Variants in STK32B observed in about 807,000 individuals in gnomAD.
STK32B encodes the protein serine/threonine-protein kinase 32B.
In STK32B, 43 loss-of-function variants were observed where a neutral mutation model predicts 52.6. The ratio of observed to expected loss-of-function variants is 0.82; its 90% CI spans 0.64 to 1.05. STK32B has a LOEUF of 1.05. Among genes scored for constraint, STK32B ranks in the 50% least tolerant of loss-of-function variants. The pLI, the probability that STK32B is intolerant of heterozygous loss-of-function variation, is 0.00. For missense variants in STK32B, 621 were observed against 534.6 expected, an observed-to-expected ratio of 1.16 and a Z score of -1.59; for synonymous variants, 238 against 204.3, an observed-to-expected ratio of 1.17 and a Z score of -1.41.
chr4:5,322,380 A>G (rs865951355), intron 3 of STK32B, among the ~76,000 whole-genome samples: 8 of 152,046 alleles, frequency 5.3e-5, no homozygotes, highest in African/African-American at 1.9e-4. Context: ...GAGCATAGTG[A>G]GTGAGACCTC....
chr4:5,188,592 C>T (rs1238345790), intron 3 of STK32B, among the ~76,000 whole-genome samples: 4 of 152,166 alleles, frequency 2.6e-5, no homozygotes, highest in African/African-American at 9.7e-5. Context: ...AGGTCTTTCT[C>T]GGACCTCTTA....
chr4:5,303,991 T>C (rs1729746872), intron 3 of STK32B, among the ~76,000 whole-genome samples: 1 of 152,124 alleles, frequency 6.6e-6, no homozygotes, highest in Non-Finnish European at 1.5e-5. Flanking sequence ...TGGCTATAAG[T>C]ATTTAGCTTT....
chr4:5,249,617 A>G (rs576276293), intron 3 of STK32B, among the ~76,000 whole-genome samples: 1 of 152,108 alleles, frequency 6.6e-6, no homozygotes, highest in African/African-American at 2.4e-5. Context: ...ATAGTGAAAC[A>G]TAGGTTTAAC....
chr4:5,421,839 T>A (rs7670917), intron 6 of STK32B, among the ~76,000 whole-genome samples: 4,092 of 152,314 alleles, frequency 0.027, 162 homozygotes, highest in African/African-American at 0.093. Flanking sequence ...ACATCTCTTA[T>A]TTTATGTGTG....
At chr4:5,020,882 G>A in the STK32B span, among the ~76,000 whole-genome samples, 1 of 152,174 alleles carries the variant, frequency 6.6e-6, no homozygotes, top group Non-Finnish European at 1.5e-5. Flanking sequence ...AGGAAACTGA[G>A]GGCCTCGGGG....
intron 3 of STK32B, among the ~76,000 whole-genome samples, chr4:5,313,850 A>G (rs1441267104): frequency 6.6e-6 from 1 of 152,214 alleles, no homozygotes; most frequent in African/African-American, 2.4e-5. Context: ...CATTCCATAG[A>G]TAATAAACCT....
chr4:5,438,061 G>A, intron 6 of STK32B: 2 of 985,590 alleles, frequency 2.0e-6, no homozygotes, highest in African/African-American at 1.7e-5. Context: ...ATGGACTTGG[G>A]GCTGCCAGGC....
chr4:5,245,860 G>C (rs1725410968), intron 3 of STK32B, among the ~76,000 whole-genome samples: 1 of 152,168 alleles, frequency 6.6e-6, no homozygotes, highest in Admixed American at 6.5e-5. Context: ...ATGAAATTCT[G>C]GGTTGAAAAT....
At chr4:5,476,013 G>C (rs903999638) in intron 11 of STK32B, among the ~76,000 whole-genome samples, 14 of 151,972 alleles carry the variant, frequency 9.2e-5, no homozygotes, top group African/African-American at 3.4e-4. Context: ...TCCTGCCTCA[G>C]CCTCCCAAGT....
chr4:5,367,452 G>A (rs1351343258), intron 4 of STK32B, among the ~76,000 whole-genome samples: 1 of 152,176 alleles, frequency 6.6e-6, no homozygotes, highest in African/African-American at 2.4e-5. Context: ...ACTGCAGCTT[G>A]CTCCTTATTG....
intron 4 of STK32B, among the ~76,000 whole-genome samples, chr4:5,365,996 G>A (rs777812323): frequency 1.9e-4 from 29 of 151,802 alleles, no homozygotes; most frequent in Non-Finnish European, 3.2e-4. Context: ...TCACAGTTGC[G>A]CAGACTCTGG....
chr4:5,489,374 G>A (rs1719501560), intron 11 of STK32B, among the ~76,000 whole-genome samples: 1 of 152,062 alleles, frequency 6.6e-6, no homozygotes, highest in African/African-American at 2.4e-5. Flanking sequence ...ATGGTTTCCT[G>A]TCCATAACTC....
chr4:5,377,372 G>A (rs542576349), intron 4 of STK32B, among the ~76,000 whole-genome samples: 1 of 152,310 alleles, frequency 6.6e-6, no homozygotes, highest in South Asian at 2.1e-4. Context: ...TAGAGAAATG[G>A]TTCCCAATTT....
chr4:5,042,835 G>A, the STK32B span, among the ~76,000 whole-genome samples: 1 of 152,120 alleles, frequency 6.6e-6, no homozygotes, highest in Admixed American at 6.5e-5. Flanking sequence ...GGCCGGGCGC[G>A]GTGGCTCACG....
intron 3 of STK32B, among the ~76,000 whole-genome samples, chr4:5,243,822 A>T (rs929252716): frequency 2.6e-5 from 4 of 152,158 alleles, no homozygotes; most frequent in Admixed American, 2.0e-4. Flanking sequence ...CCTTTTCTGC[A>T]TCTATTGAGA....
At chr4:5,083,115 A>G (rs1452425802) in intron 1 of STK32B, among the ~76,000 whole-genome samples, 1 of 152,046 alleles carries the variant, frequency 6.6e-6, no homozygotes, top group Non-Finnish European at 1.5e-5. Context: ...CTTTCAGATA[A>G]TTTTCTTTAA....
chr4:5,089,163 ATT>A (rs1403343528), intron 1 of STK32B, among the ~76,000 whole-genome samples: 2 of 152,124 alleles, frequency 1.3e-5, no homozygotes, highest in Non-Finnish European at 2.9e-5. Flanking sequence ...ATTATGAATA[ATT>A]GTATGCCAAT....
Position 5,331,199 on chromosome 4 carries a change from T to C in STK32B, c.261-21T>C, listed in dbSNP as rs1732221805. ...GAAGGTGCCTCCACCCCTAATCTTC[T>C]CTGTCCTTCTGTGCTCCTAGGTACT... On this transcript the variant is annotated intron_variant, in intron 3 of 11. Coordinates refer to ENST00000282908, the MANE Select transcript of STK32B (RefSeq NM_018401.3). 6 of 1,596,754 alleles carry C rather than the reference T, an allele frequency of 3.8e-6. No individual in the cohort carries two copies. In the East Asian group the frequency reaches 1.1e-4, roughly 30 times the overall value.
chr4:5,088,024 A>G (rs1712833868), intron 1 of STK32B, among the ~76,000 whole-genome samples: 1 of 152,116 alleles, frequency 6.6e-6, no homozygotes, highest in South Asian at 2.1e-4. Flanking sequence ...AACATTTTCC[A>G]AGATAGACCA....
Sources: gnomAD v4.1 joint callset for allele counts (sites outside exome capture counted in the v4.1 genomes callset) on GRCh38, gnomAD v4.1.1 for gene constraint, MANE v1.5 for transcripts, NCBI Gene and HGNC (gene_info 2026-07-23, HGNC 2026-07-21) for gene names.